RCHY1: variants seen among roughly 807,000 people sequenced by gnomAD.
RCHY1 encodes the protein ring finger and CHY zinc finger domain containing 1, also known as RING finger and CHY zinc finger domain-containing protein 1.
In RCHY1, 21 loss-of-function variants were observed where a neutral mutation model predicts 41.6. The ratio of observed to expected loss-of-function variants is 0.51; its 90% confidence interval spans 0.36 to 0.73. RCHY1 has a LOEUF of 0.73. Ranked by LOEUF, RCHY1 falls within the 30% of genes least tolerant of loss-of-function variation. RCHY1 has a pLI of 0.00. For synonymous variants in RCHY1, 79 were observed against 102.9 expected, an observed-to-expected ratio of 0.77 and a Z score of 1.41; for missense variants, 265 against 325.3, an observed-to-expected ratio of 0.81 and a Z score of 1.43.
intron 8 of RCHY1, among the ~76,000 whole-genome samples, chr4:75,487,798 T>TA (rs1215332301): frequency 2.4e-5 from 2 of 83,098 alleles, no homozygotes; most frequent in African/African-American, 1.3e-4. Flanking sequence ...TATATATTCA[T>TA]ATATATATTC....
chr4:75,490,769 G>T, intron 7 of RCHY1, 68 bp from the exon 8 acceptor site: 1 of 1,279,272 alleles, frequency 7.8e-7, no homozygotes. Flanking sequence ...TATACAAGAA[G>T]ATGCAGGCTA....
chr4:75,499,517 C>T (rs562544289), intron 3 of RCHY1, among the ~76,000 whole-genome samples: 1 of 152,280 alleles, frequency 6.6e-6, no homozygotes, highest in Non-Finnish European at 1.5e-5. Context: ...ATGGAAGCAA[C>T]CTTAGTGTCC....
At chr4:75,514,168 G>T (rs1259570645) in intron 1 of RCHY1, 29 bp downstream of exon 1, 28 of 1,591,232 alleles carry the variant, frequency 1.8e-5, no homozygotes, top group Non-Finnish European at 2.2e-5. Context: ...ACGGAAGCTT[G>T]TCAGGGAAGA....
chr4:75,501,442 A>G (rs1344983136), intron 3 of RCHY1, among the ~76,000 whole-genome samples: 1 of 152,260 alleles, frequency 6.6e-6, no homozygotes, highest in Non-Finnish European at 1.5e-5. Flanking sequence ...AAAAATCAAA[A>G]GAACTCAAAA....
At chr4:75,493,850 G>A (rs1246838140) in intron 4 of RCHY1, among the ~76,000 whole-genome samples, 1 of 151,676 alleles carries the variant, frequency 6.6e-6, no homozygotes, top group Non-Finnish European at 1.5e-5. Flanking sequence ...AAACTAACTT[G>A]GAAGTTGCCA....
At chr4:75,499,958 G>C (rs970561010) in intron 3 of RCHY1, among the ~76,000 whole-genome samples, 3 of 152,154 alleles carry the variant, frequency 2.0e-5, no homozygotes, top group African/African-American at 7.2e-5. Flanking sequence ...ATTTAAGCCT[G>C]GGCAACAAGG....
intron 3 of RCHY1, among the ~76,000 whole-genome samples, chr4:75,503,883 G>A (rs995923476): frequency 3.3e-5 from 5 of 152,088 alleles, no homozygotes; most frequent in Admixed American, 6.6e-5. Flanking sequence ...GTGGACAAAC[G>A]TTGAAGGCAG....
At chr4:75,489,631 T>C (rs369658625) in intron 8 of RCHY1, among the ~76,000 whole-genome samples, 3 of 152,318 alleles carry the variant, frequency 2.0e-5, no homozygotes, top group South Asian at 2.1e-4. Flanking sequence ...CTGGAAGGCC[T>C]GTATACCTAA....
At chr4:75,500,568 T>C (rs11732511) in intron 3 of RCHY1, among the ~76,000 whole-genome samples, 39,160 of 152,072 alleles carry the variant, frequency 0.26, 5,414 homozygotes, top group African/African-American at 0.35. Context: ...TAATACACTA[T>C]TAAACTCTGT....
intron 1 of RCHY1, among the ~76,000 whole-genome samples, chr4:75,510,992 T>G (rs1272495942): frequency 6.6e-6 from 1 of 152,158 alleles, no homozygotes; most frequent in Non-Finnish European, 1.5e-5. Context: ...TGGATATCAT[T>G]CTCTGATATT....
chr4:75,498,481 CA>C (rs57789217), intron 3 of RCHY1, among the ~76,000 whole-genome samples: 22,855 of 68,460 alleles, frequency 0.33, 1,489 homozygotes, highest in Middle Eastern at 0.42. Context: ...CAATCCTGAG[CA>C]AAAAAAAAAA....
intron 8 of RCHY1, 51 bp from the exon 9 acceptor site, chr4:75,482,717 T>A (rs111500393): frequency 2.2e-6 from 3 of 1,334,932 alleles, no homozygotes; most frequent in Non-Finnish European, 3.1e-6. Flanking sequence ...TAAATACAAG[T>A]AGCATTGTCT....
Position 75,482,545 on chromosome 4 carries a change from T to C in RCHY1, c.779A>G (p.Gln260Arg). The change falls in exon 9 of 9, where the codon CAG becomes CGG. Residue 260 changes from glutamine to arginine, a missense_variant. Transcript: ENST00000324439. ...CAGTACTGTGTAGGCTCGTCATTGC[T>C]GATCCAGTGAAATTCTACGTCCTCC... ...QAGGRRISLD[Q>R]Q 6.2e-7 allele frequency: 1 copy of C among 1,606,318 alleles called. No individual in the cohort carries two copies. Among genetic ancestry groups the C allele is most frequent in the Non-Finnish European group, 8.5e-7 (1 of 1,176,094 alleles).
chr4:75,503,410 A>C (rs1294438256), intron 3 of RCHY1, among the ~76,000 whole-genome samples: 2 of 152,238 alleles, frequency 1.3e-5, no homozygotes, highest in Non-Finnish European at 1.5e-5. Context: ...AAAAGAAAAT[A>C]TGGTGGCCAG....
At position 75,495,929 on chromosome 4, in the gene RCHY1, G is replaced by A. The variant is rs553023411; in HGVS notation, c.327-1750C>T. Among the ~76,000 whole-genome samples, 3 of 151,938 alleles carry A rather than the reference G, an allele frequency of 2.0e-5. No homozygotes were observed. In the South Asian group the frequency reaches 6.2e-4, roughly 32 times the overall value. On this transcript the variant is annotated intron_variant, in intron 3 of 8. Coordinates refer to ENST00000324439, the MANE Select transcript of RCHY1 (RefSeq NM_015436.4). Reference sequence around the variant, plus strand: ...TACACACACACATATTTATCTATTCGTCTATTCCTGCACAAACAGCAAACT... The same window carrying A: ...TACACACACACATATTTATCTATTCATCTATTCCTGCACAAACAGCAAACT...
At chr4:75,505,510 T>C (rs926291492) in intron 3 of RCHY1, among the ~76,000 whole-genome samples, 1 of 152,124 alleles carries the variant, frequency 6.6e-6, no homozygotes, top group Non-Finnish European at 1.5e-5. Flanking sequence ...GTGTGGTAAT[T>C]AGAAGCTATG....
At chr4:75,501,821 A>G (rs1227520464) in intron 3 of RCHY1, among the ~76,000 whole-genome samples, 1 of 152,106 alleles carries the variant, frequency 6.6e-6, no homozygotes, top group East Asian at 1.9e-4. Context: ...GCTCACGCCT[A>G]TAATCCCAGC....
chr4:75,511,825 A>C (rs1256048719), intron 1 of RCHY1, among the ~76,000 whole-genome samples: 4 of 152,016 alleles, frequency 2.6e-5, no homozygotes, highest in Non-Finnish European at 4.4e-5. Flanking sequence ...AAAAAAAAAA[A>C]CAAATATCTT....
At chr4:75,493,924 A>C (rs910141235) in intron 4 of RCHY1, among the ~76,000 whole-genome samples, 177 bp downstream of exon 4, 2 of 151,830 alleles carry the variant, frequency 1.3e-5, no homozygotes, top group Non-Finnish European at 3.0e-5. Context: ...ACTGTAGGTC[A>C]GATATTCTGA....
Sources: gnomAD v4.1 joint callset for allele counts (sites outside exome capture counted in the v4.1 genomes callset) on GRCh38, gnomAD v4.1.1 for gene constraint, MANE v1.5 for transcripts, NCBI Gene and HGNC (gene_info 2026-07-23, HGNC 2026-07-21) for gene names.